The following CX3CR1 variants were observed in gnomAD, a reference collection of about 807,000 sequenced individuals.
CX3CR1 encodes C-X3-C motif chemokine receptor 1, also known as CX3C chemokine receptor 1.
For synonymous variants in CX3CR1, 168 were observed against 178.5 expected (o/e 0.94, Z 0.47); for missense variants, 363 against 432.4 (o/e 0.84, Z 1.42).
upstream of CX3CR1, among the ~76,000 whole-genome samples, chr3:39,282,408 G>A (rs2040911799): frequency 6.6e-6 from 1 of 152,210 alleles, no homozygotes; most frequent in Admixed American, 6.5e-5. Context: ...ACTCTCTGTT[G>A]GAGCTGACCC....
Position 39,266,150 on chromosome 3 carries a change from G to C in CX3CR1, c.360C>G (p.Ile120Met). 1 of 1,614,204 alleles carries C rather than the reference G, an allele frequency of 6.2e-7. No individual in the cohort carries two copies. Among genetic ancestry groups the C allele is most frequent in the Non-Finnish European group, 8.5e-7 (1 of 1,180,042 alleles). The part of the protein sequence containing the change: ...FIGFFGSIFF[I>M]TVISIDRYLA... Reference sequence around the variant, plus strand: ...GGTACCTATCAATGCTGATGACGGTGATGAAGAATATGCTTCCAAAAAAGC... The same window carrying C: ...GGTACCTATCAATGCTGATGACGGTCATGAAGAATATGCTTCCAAAAAAGC... The change falls in exon 2 of 2, where the codon ATC becomes ATG. Residue 120 changes from isoleucine (I) to methionine (M), a missense_variant. Transcript: ENST00000399220.
chr3:39,285,887 G>A (rs528021125), upstream of CX3CR1: 5 of 152,314 alleles, frequency 3.3e-5, no homozygotes, highest in South Asian at 8.3e-4. Context: ...ATATTATGGA[G>A]AGTCTGCTTT....
chr3:39,272,607 C>G (rs963206426), intron 1 of CX3CR1, among the ~76,000 whole-genome samples: 3 of 152,178 alleles, frequency 2.0e-5, no homozygotes, highest in African/African-American at 7.2e-5. Flanking sequence ...ATCCAGCTTA[C>G]TGTTTTCTAA....
chr3:39,280,051 T>C, upstream of CX3CR1: 1 of 985,014 alleles, frequency 1.0e-6, no homozygotes, highest in East Asian at 1.1e-4. Flanking sequence ...TCCTTCCCTC[T>C]AAGAGCATTT....
upstream of CX3CR1, among the ~76,000 whole-genome samples, chr3:39,280,823 C>T (rs1021601824): frequency 1.3e-5 from 2 of 152,184 alleles, no homozygotes; most frequent in East Asian, 1.9e-4. Flanking sequence ...CAGCTTGGGG[C>T]GACTGCAACG....
chr3:39,268,814 A>G (rs1384403231), intron 1 of CX3CR1, among the ~76,000 whole-genome samples: 3 of 152,212 alleles, frequency 2.0e-5, no homozygotes, highest in African/African-American at 7.2e-5. Flanking sequence ...GCCTGCCCAC[A>G]GAACTGTTTT....
At chr3:39,282,122 T>A (rs2125558042), upstream of CX3CR1, among the ~76,000 whole-genome samples, 1 of 152,320 alleles carries the variant, frequency 6.6e-6, no homozygotes, top group Admixed American at 6.5e-5. Flanking sequence ...TCCTTCAAGG[T>A]TGCTCACTGC....
Position 39,265,877 on chromosome 3 carries a change from G to A in CX3CR1, c.633C>T (p.Tyr211=). 1 of 1,614,240 alleles carries A rather than the reference G, an allele frequency of 6.2e-7. No individual in the cohort carries two copies. Among genetic ancestry groups the A allele is most frequent in the Non-Finnish European group, 8.5e-7 (1 of 1,180,048 alleles). Residue 211 remains tyrosine (Y), a synonymous_variant, in exon 2 of 2, where the codon TAC becomes TAT. Coordinates refer to ENST00000399220, the MANE Select transcript of CX3CR1 (RefSeq NM_001337.4). The part of the protein sequence containing the change: ...LLPLLIMSYC[Y]FRIIQTLFSC... ...AAAACAGCGTCTGGATGATTCTGAA[G>A]TAGCAATAACTCATAATGAGCAGGG...
upstream of CX3CR1, chr3:39,281,064 G>A (rs1452038773): frequency 1.0e-5 from 10 of 989,752 alleles, no homozygotes; most frequent in African/African-American, 3.5e-5. Context: ...GTGGTGTTCC[G>A]AGGACAGCGG....
chr3:39,276,425 T>G (rs2040841751), intron 1 of CX3CR1, among the ~76,000 whole-genome samples: 1 of 152,234 alleles, frequency 6.6e-6, no homozygotes, highest in Admixed American at 6.5e-5. Context: ...AAATGACTCT[T>G]GCTCATGGAA....
chr3:39,267,394 C>T (rs996321250), intron 1 of CX3CR1, among the ~76,000 whole-genome samples: 8 of 152,146 alleles, frequency 5.3e-5, no homozygotes, highest in Non-Finnish European at 1.2e-4. Context: ...GAACAGCACC[C>T]GGAAGCCCTC....
intron 1 of CX3CR1, among the ~76,000 whole-genome samples, chr3:39,279,055 G>A (rs919129773): frequency 6.6e-6 from 1 of 152,178 alleles, no homozygotes; most frequent in South Asian, 2.1e-4. Context: ...CTACTTGGGA[G>A]GCTGAGGCAG....
chr3:39,281,310 G>A, upstream of CX3CR1: 1 of 1,031,014 alleles, frequency 9.7e-7, no homozygotes, highest in South Asian at 3.3e-5. Context: ...TCTGACACTG[G>A]CCCCTCCCCA....
chr3:39,287,463 G>A, the CX3CR1 span: 1 of 152,182 alleles, frequency 6.6e-6, no homozygotes, highest in Non-Finnish European at 1.5e-5. Context: ...ACTTGGTGAT[G>A]GAACCTGCAG....
upstream of CX3CR1, among the ~76,000 whole-genome samples, chr3:39,282,597 C>CGGGA (rs2040913586): frequency 3.3e-5 from 5 of 151,968 alleles, no homozygotes; most frequent in East Asian, 1.9e-4. Context: ...ATGGGTGTCC[C>CGGGA]CACCCATCAC....
chr3:39,276,546 T>C (rs947673091), intron 1 of CX3CR1, among the ~76,000 whole-genome samples: 4 of 152,374 alleles, frequency 2.6e-5, no homozygotes, highest in Non-Finnish European at 5.9e-5. Flanking sequence ...ATCTCACCCA[T>C]GCTGTTGGTT....
chr3:39,291,674 C>G, the CX3CR1 span, among the ~76,000 whole-genome samples: 6 of 152,174 alleles, frequency 3.9e-5, no homozygotes, highest in African/African-American at 1.4e-4. Context: ...GCAGCTCACT[C>G]CATGGTTTAC....
At chr3:39,279,566 G>T (rs1356783477) in intron 1 of CX3CR1, among the ~76,000 whole-genome samples, 4 of 152,198 alleles carry the variant, frequency 2.6e-5, no homozygotes, top group East Asian at 3.9e-4. Context: ...ATAAACACTT[G>T]TGTGCATCTC....
intron 1 of CX3CR1, among the ~76,000 whole-genome samples, chr3:39,272,127 C>T (rs539870284): frequency 3.9e-5 from 6 of 152,292 alleles, no homozygotes; most frequent in African/African-American, 7.2e-5. Context: ...GGTTGTAAGA[C>T]GCATGCATTC....
Sources: gnomAD v4.1 joint callset for allele counts (sites outside exome capture counted in the v4.1 genomes callset) on GRCh38, gnomAD v4.1.1 for gene constraint, MANE v1.5 for transcripts, NCBI Gene and HGNC (gene_info 2026-07-23, HGNC 2026-07-21) for gene names.